ZFYVE1: variants seen among roughly 807,000 people sequenced by gnomAD.
ZFYVE1 encodes zinc finger FYVE-type containing 1, also known as zinc finger FYVE domain-containing protein 1.
ZFYVE1 carries 30 observed loss-of-function variants against 74.4 expected under a neutral mutation model. The ratio of observed to expected loss-of-function variants is 0.40; its 90% CI spans 0.30 to 0.55. The LOEUF (loss-of-function observed/expected upper bound fraction) is 0.55. ZFYVE1 is among the 20% of genes least tolerant of loss of function. ZFYVE1 has a pLI of 0.42. For synonymous variants in ZFYVE1, 335 were observed against 385.1 expected (o/e 0.87, Z 1.52); for missense variants, 703 against 1,011.6 (o/e 0.69, Z 4.14).
chr14:72,974,759 G>T lies in ZFYVE1; in HGVS notation c.1987+20C>A, dbSNP rs1893122299. The T allele has an allele frequency of 1.3e-6, 2 of 1,583,446 alleles. No individual in the cohort carries two copies. The highest frequency in any genetic ancestry group is 1.7e-6 in the Non-Finnish European group (2 of 1,158,174). On this transcript the variant is annotated intron_variant, in intron 10 of 11. Coordinates refer to ENST00000556143, the MANE Select transcript of ZFYVE1 (RefSeq NM_021260.4). ...GGAGGTTCTCCCCTCCACCCCTGCA[G>T]CTCCCAGGTCCCACGTTACCTAACT...
intron 2 of ZFYVE1, among the ~76,000 whole-genome samples, chr14:73,020,825 A>G (rs1475446093): frequency 6.6e-6 from 1 of 152,146 alleles, no homozygotes; most frequent in Non-Finnish European, 1.5e-5. Flanking sequence ...AAACACAAAA[A>G]TTAGCAGGGC....
At chr14:73,023,160 C>CAAAA (rs768012600) in intron 2 of ZFYVE1, among the ~76,000 whole-genome samples, 15 of 3,098 alleles carry the variant, frequency 4.8e-3, no homozygotes, top group South Asian at 0.048. Flanking sequence ...AATTCCATCT[C>CAAAA]AAAAAATATA....
intron 2 of ZFYVE1, among the ~76,000 whole-genome samples, chr14:73,007,299 TAAGAA>T (rs1894001051): frequency 6.6e-6 from 1 of 152,132 alleles, no homozygotes; most frequent in African/African-American, 2.4e-5. Flanking sequence ...AAAACACTCT[TAAGAA>T]AAGTAGTTTG....
At position 72,978,858 on chromosome 14, in the gene ZFYVE1, C is replaced by T. The variant is rs766824177; in HGVS notation, c.1419+3G>A. On this transcript the variant is annotated splice_donor_region_variant and intron_variant, in intron 6 of 11. Transcript: ENST00000556143. ...GACACAGGGAGGAGCTCGGAGGACTCACCTTGCAGGTATACACTCGGTTGT... is the reference window on the plus strand; with the variant it reads ...GACACAGGGAGGAGCTCGGAGGACTTACCTTGCAGGTATACACTCGGTTGT... 3.7e-6 allele frequency: 6 copies of T among 1,613,594 alleles called. No homozygotes were observed. In the South Asian group the frequency reaches 6.6e-5, roughly 18 times the overall value.
At chr14:73,016,634 C>T (rs1041711301) in intron 2 of ZFYVE1, among the ~76,000 whole-genome samples, 1 of 152,062 alleles carries the variant, frequency 6.6e-6, no homozygotes, top group African/African-American at 2.4e-5. Context: ...GTAATCCCAG[C>T]ACTTTGGGAG....
chr14:72,994,449 G>C (rs910129649), intron 3 of ZFYVE1, among the ~76,000 whole-genome samples: 6 of 151,948 alleles, frequency 3.9e-5, no homozygotes, highest in Non-Finnish European at 7.4e-5. Flanking sequence ...AGGACATGAG[G>C]AGGGCTTCTA....
chr14:72,992,998 C>T (rs934848047), intron 4 of ZFYVE1, 145 bp downstream of exon 4: 16 of 721,848 alleles, frequency 2.2e-5, no homozygotes, highest in Admixed American at 9.0e-5. Context: ...CTGACAGGTG[C>T]GGACTCCATT....
chr14:73,019,550 G>A (rs1894271828), intron 2 of ZFYVE1, among the ~76,000 whole-genome samples: 2 of 152,202 alleles, frequency 1.3e-5, no homozygotes, highest in East Asian at 3.8e-4. Flanking sequence ...ATAACACTTT[G>A]ATAATGATAA....
intron 5 of ZFYVE1, 143 bp downstream of exon 5, chr14:72,981,646 T>C (rs939389720): frequency 1.3e-6 from 1 of 745,038 alleles, no homozygotes; most frequent in Non-Finnish European, 2.2e-6. Flanking sequence ...CATGGGAGTG[T>C]ACCATTTTGG....
Position 72,970,608 on chromosome 14 carries a change from T to A in ZFYVE1, c.*274A>T, listed in dbSNP as rs1567341830. On this transcript the variant is annotated 3_prime_UTR_variant, in exon 12 of 12. Coordinates refer to ENST00000556143, the MANE Select transcript of ZFYVE1 (RefSeq NM_021260.4). ...TTCATATGTATATATGAGAGAGAGA[T>A]ATACACATATATATTCATTATTTTT... The A allele has an allele frequency of 4.0e-6, 2 of 496,930 alleles. No homozygotes were observed. The highest frequency in any genetic ancestry group is 3.6e-5 in the East Asian group (1 of 28,040). 30.8% of individuals were successfully genotyped at this position (496,930 alleles called of 1,614,324 possible).
chr14:72,996,156 G>A (rs939961689), intron 3 of ZFYVE1, among the ~76,000 whole-genome samples: 2 of 152,078 alleles, frequency 1.3e-5, no homozygotes, highest in South Asian at 2.1e-4. Flanking sequence ...AGAATGAAAA[G>A]GGGTAACTAA....
intron 4 of ZFYVE1, among the ~76,000 whole-genome samples, chr14:72,987,700 C>A (rs74062626): frequency 2.6e-5 from 4 of 152,204 alleles, no homozygotes; most frequent in Non-Finnish European, 5.9e-5. Context: ...TTCCTCTATT[C>A]GATAGAGACC....
chr14:73,004,084 C>G (rs770227981), intron 2 of ZFYVE1, among the ~76,000 whole-genome samples: 2 of 152,182 alleles, frequency 1.3e-5, no homozygotes, highest in African/African-American at 4.8e-5. Context: ...TAGCAGACAA[C>G]GGAGAGAAAC....
intron 4 of ZFYVE1, among the ~76,000 whole-genome samples, 200 bp from the exon 5 acceptor site, chr14:72,982,095 A>T (rs923059630): frequency 2.0e-5 from 3 of 152,236 alleles, no homozygotes; most frequent in African/African-American, 7.2e-5. Flanking sequence ...ATTCCCCAAG[A>T]GGTCAAGATA....
chr14:72,996,113 GC>G (rs1370526322), intron 3 of ZFYVE1, among the ~76,000 whole-genome samples: 1 of 152,112 alleles, frequency 6.6e-6, no homozygotes, highest in Non-Finnish European at 1.5e-5. Context: ...AGTCGGGGTG[GC>G]AGGGGAGGGG....
intron 5 of ZFYVE1, 124 bp downstream of exon 5, chr14:72,981,665 A>T (rs916678164): frequency 1.1e-6 from 1 of 901,492 alleles, no homozygotes; most frequent in Non-Finnish European, 1.8e-6. Context: ...GGATAATTTA[A>T]ATCAGAACCT....
At chr14:72,981,960 C>G (rs1185850498) in intron 4 of ZFYVE1, 65 bp from the exon 5 acceptor site, 3 of 1,386,052 alleles carry the variant, frequency 2.2e-6, no homozygotes, top group Non-Finnish European at 3.1e-6. Flanking sequence ...TGGCCCCCCA[C>G]TGCAGGCACC....
At chr14:73,021,804 C>G (rs1249569834) in intron 2 of ZFYVE1, among the ~76,000 whole-genome samples, 1 of 151,982 alleles carries the variant, frequency 6.6e-6, no homozygotes, top group Non-Finnish European at 1.5e-5. Flanking sequence ...GATGAAGGAC[C>G]AATATCATCT....
intron 10 of ZFYVE1, 101 bp downstream of exon 10, chr14:72,974,678 G>T: frequency 7.0e-7 from 1 of 1,420,428 alleles, no homozygotes. Flanking sequence ...CTCTCACAAG[G>T]GAGATGTGGA....
Sources: gnomAD v4.1 joint callset for allele counts (sites outside exome capture counted in the v4.1 genomes callset) on GRCh38, gnomAD v4.1.1 for gene constraint, MANE v1.5 for transcripts, NCBI Gene and HGNC (gene_info 2026-07-23, HGNC 2026-07-21) for gene names.